KIF5B: variants seen among roughly 807,000 people sequenced by gnomAD.
KIF5B encodes the protein kinesin family member 5B, also known as kinesin-1 heavy chain.
KIF5B carries 49 observed loss-of-function variants against 132.8 expected under a neutral mutation model. The ratio of observed to expected loss-of-function variants is 0.37; its 90% CI spans 0.29 to 0.47. The LOEUF is 0.47. Among genes scored for constraint, KIF5B ranks in the 20% least tolerant of loss-of-function variants. KIF5B has a pLI of 1.00. For synonymous variants in KIF5B, 355 were observed against 369.4 expected, an observed-to-expected ratio of 0.96 and a Z score of 0.45; for missense variants, 780 against 1,144.0, an observed-to-expected ratio of 0.68 and a Z score of 4.59.
intron 19 of KIF5B, 75 bp from the exon 20 acceptor site, chr10:32,020,034 C>T (rs1471596565): frequency 3.1e-6 from 3 of 974,100 alleles, no homozygotes; most frequent in Non-Finnish European, 4.7e-6. Context: ...AATTTCCAAA[C>T]TTTTAAATTC....
At chr10:32,015,484 G>A in intron 25 of KIF5B, 25 bp downstream of exon 25, 1 of 1,488,742 alleles carries the variant, frequency 6.7e-7, no homozygotes. Context: ...AAACAGATAT[G>A]AAAAGCCAGA....
At position 32,018,404 on chromosome 10, in the gene KIF5B, C is replaced by A. The variant is rs931456067; in HGVS notation, c.2368-17G>T. 4 of 1,563,292 alleles carry A rather than the reference C, an allele frequency of 2.6e-6. No individual in the cohort carries two copies. Among genetic ancestry groups the A allele is most frequent in the Non-Finnish European group, 3.4e-6 (4 of 1,160,118 alleles). The stretch of plus-strand genomic sequence containing the variant: ...TTCTTTTGCCTTGGATTAAGAACAG[C>A]GATATTTTTGGAGCTCAGACTTTAA... On this transcript the variant is annotated splice_polypyrimidine_tract_variant and intron_variant, in intron 21 of 25. Transcript: ENST00000302418.
chr10:32,022,740 C>A (rs2132587145), intron 16 of KIF5B, 108 bp downstream of exon 16: 2 of 738,298 alleles, frequency 2.7e-6, no homozygotes, highest in Non-Finnish European at 2.2e-6. Context: ...AGGAAAAAAA[C>A]AACTAAATTT....
At chr10:32,041,679 C>A (rs1841541232) in intron 2 of KIF5B, among the ~76,000 whole-genome samples, 1 of 152,306 alleles carries the variant, frequency 6.6e-6, no homozygotes, top group South Asian at 2.1e-4. Flanking sequence ...AGTGCAATGG[C>A]ACAATCATAG....
chr10:32,032,269 A>G (rs926851703), intron 13 of KIF5B, among the ~76,000 whole-genome samples: 4 of 152,182 alleles, frequency 2.6e-5, no homozygotes, highest in East Asian at 3.9e-4. Context: ...GAATAATGCT[A>G]TAGTTGAAAT....
At chr10:32,045,650 GGATA>G (rs1276870696) in intron 2 of KIF5B, among the ~76,000 whole-genome samples, 1 of 152,104 alleles carries the variant, frequency 6.6e-6, no homozygotes, top group Non-Finnish European at 1.5e-5. Context: ...ATGGGAAAAG[GGATA>G]GATTATGGAA....
intron 9 of KIF5B, 85 bp from the exon 10 acceptor site, chr10:32,035,752 C>T (rs1841453572): frequency 5.7e-6 from 8 of 1,399,602 alleles, no homozygotes; most frequent in African/African-American, 1.4e-5. Flanking sequence ...AACTAACTTA[C>T]ACATACTGAT....
chr10:32,044,449 A>G (rs908079327), intron 2 of KIF5B, among the ~76,000 whole-genome samples: 1 of 152,190 alleles, frequency 6.6e-6, no homozygotes, highest in African/African-American at 2.4e-5. Flanking sequence ...AGGTGGGCGG[A>G]TCACCTGAGG....
chr10:32,029,780 A>C (rs768175201), intron 14 of KIF5B, among the ~76,000 whole-genome samples: 12 of 152,004 alleles, frequency 7.9e-5, no homozygotes, highest in Non-Finnish European at 1.3e-4. Flanking sequence ...GCCAAGGACC[A>C]CCTTTCAGAG....
intron 1 of KIF5B, among the ~76,000 whole-genome samples, chr10:32,049,292 T>C (rs1318260815): frequency 6.6e-6 from 1 of 152,168 alleles, no homozygotes; most frequent in Non-Finnish European, 1.5e-5. Flanking sequence ...ACTCATGCAA[T>C]TGAGTGCTAT....
At chr10:32,017,431 A>C (rs1321235553) in intron 23 of KIF5B, 72 bp from the exon 24 acceptor site, 1 of 1,178,886 alleles carries the variant, frequency 8.5e-7, no homozygotes, top group African/African-American at 1.5e-5. Flanking sequence ...GCATTTCATA[A>C]TTGCTCTTTA....
In KIF5B at chr10:32,031,127, A is replaced by G; in HGVS notation, c.1527T>C (p.Val509=). The G allele has an allele frequency of 6.2e-7, 1 of 1,613,990 alleles. No individual in the cohort carries two copies. Among genetic ancestry groups the G allele is most frequent in the Non-Finnish European group, 8.5e-7 (1 of 1,179,954 alleles). ...ATTCATATTCCTTAGTTTTGTCTTC[A>G]ACTTCCTGAGACTTCTGATCATAAT... ...AVNYDQKSQE[V]EDKTKEYELL... The change falls in exon 14 of 26, where the codon GTT becomes GTC. Residue 509 remains valine (V), a synonymous_variant. Coordinates refer to ENST00000302418, the MANE Select transcript of KIF5B (RefSeq NM_004521.3).
rs369671066 is a variant in KIF5B at position 32,022,121 on chromosome 10, A to G, written c.2032+19T>C. 9.8e-6 allele frequency: 12 copies of G among 1,226,582 alleles called. No homozygotes were observed. Among genetic ancestry groups the G allele is most frequent in the African/African-American group, 6.0e-5 (4 of 66,126 alleles). 76.0% of individuals were successfully genotyped at this position (1,226,582 alleles called of 1,614,324 possible). On this transcript the variant is annotated intron_variant, in intron 17 of 25. Transcript: ENST00000302418. ...AAATAAGAACACAGATGTAACTCAT[A>G]AACAGTTGGAAGCTATACCTTGTGC...
At chr10:32,047,830 C>T (rs991408907) in intron 2 of KIF5B, among the ~76,000 whole-genome samples, 4 of 152,144 alleles carry the variant, frequency 2.6e-5, no homozygotes, top group African/African-American at 4.8e-5. Context: ...TGAAATAAAT[C>T]ATATCACAAA....
chr10:32,014,917 G>A (rs1841138026), intron 25 of KIF5B, among the ~76,000 whole-genome samples: 2 of 152,196 alleles, frequency 1.3e-5, no homozygotes, highest in African/African-American at 4.8e-5. Flanking sequence ...GAAGTCAGGA[G>A]TTTGAGACCA....
chr10:32,014,386 C>T (rs936406257), intron 25 of KIF5B, among the ~76,000 whole-genome samples: 5 of 141,764 alleles, frequency 3.5e-5, no homozygotes, highest in Admixed American at 7.1e-5. Context: ...AACGAGGCTC[C>T]GTCTCGGAGT....
intron 2 of KIF5B, among the ~76,000 whole-genome samples, chr10:32,046,883 T>C (rs1029152517): frequency 6.6e-6 from 1 of 150,882 alleles, no homozygotes; most frequent in Non-Finnish European, 1.5e-5. Context: ...TACCCTAAGC[T>C]GAAAATGCAT....
At chr10:32,046,647 G>A (rs573915027) in intron 2 of KIF5B, among the ~76,000 whole-genome samples, 2 of 152,072 alleles carry the variant, frequency 1.3e-5, no homozygotes, top group Admixed American at 6.6e-5. Flanking sequence ...CAAACTCCTG[G>A]CCTCAAGCAA....
At chr10:32,020,322 T>C (rs1841241527) in intron 19 of KIF5B, among the ~76,000 whole-genome samples, 1 of 152,018 alleles carries the variant, frequency 6.6e-6, no homozygotes, top group African/African-American at 2.4e-5. Flanking sequence ...AAACTCTATG[T>C]ATGTGCACAT....
Sources: gnomAD v4.1 joint callset for allele counts (sites outside exome capture counted in the v4.1 genomes callset) on GRCh38, gnomAD v4.1.1 for gene constraint, MANE v1.5 for transcripts, NCBI Gene and HGNC (gene_info 2026-07-23, HGNC 2026-07-21) for gene names.